Variants in KDM4B observed in about 807,000 individuals in gnomAD.
KDM4B encodes lysine demethylase 4B.
KDM4B carries 32 observed loss-of-function variants against 125.2 expected under a neutral mutation model. The observed-to-expected ratio is 0.26, with a 90% CI of 0.19 to 0.34. The LOEUF is 0.34. Ranked by LOEUF, KDM4B falls within the 10% of genes least tolerant of loss-of-function variation. The pLI is 1.00. For missense variants in KDM4B, 1,190 were observed against 1,577.7 expected (o/e 0.75, Z 4.16); for synonymous variants, 721 against 677.9 (o/e 1.06, Z -0.99).
intron 10 of KDM4B, among the ~76,000 whole-genome samples, chr19:5,117,756 C>T (rs955734690): frequency 5.3e-5 from 8 of 152,180 alleles, no homozygotes; most frequent in African/African-American, 9.7e-5. Flanking sequence ...GCCCCACGCC[C>T]GCCCCTGCCT....
chr19:5,002,491 TC>T (rs953961184), intron 1 of KDM4B, among the ~76,000 whole-genome samples: 27 of 151,890 alleles, frequency 1.8e-4, no homozygotes, highest in Non-Finnish European at 3.1e-4. Flanking sequence ...TTCTTTCCTT[TC>T]TTCTTTCTTT....
At chr19:5,040,373 G>A (rs984942780) in intron 4 of KDM4B, among the ~76,000 whole-genome samples, 1 of 152,148 alleles carries the variant, frequency 6.6e-6, no homozygotes, top group Admixed American at 6.5e-5. Context: ...AGGCACACAG[G>A]AGGGCACAGA....
At chr19:4,975,354 C>CT (rs1215314185) in intron 1 of KDM4B, among the ~76,000 whole-genome samples, 3 of 151,276 alleles carry the variant, frequency 2.0e-5, no homozygotes, top group Non-Finnish European at 2.9e-5. Context: ...TCTTCTTTTG[C>CT]TTTTTTTTTC....
chr19:5,130,162 G>A (rs1166567255), intron 11 of KDM4B, among the ~76,000 whole-genome samples: 1 of 152,100 alleles, frequency 6.6e-6, no homozygotes, highest in East Asian at 1.9e-4. Flanking sequence ...GCCTTGTGAG[G>A]ACATCGGGCC....
chr19:5,057,047 T>G (rs1204758160), intron 6 of KDM4B, among the ~76,000 whole-genome samples: 1 of 140,762 alleles, frequency 7.1e-6, no homozygotes, highest in Non-Finnish European at 1.5e-5. Flanking sequence ...TGTGTGTGTG[T>G]GTGTGTGTGT....
chr19:5,073,374 G>A (rs1275129521), intron 7 of KDM4B, among the ~76,000 whole-genome samples: 2 of 152,270 alleles, frequency 1.3e-5, no homozygotes, highest in African/African-American at 4.8e-5. Context: ...AGAGCCAGCA[G>A]CCCCGGTGGG....
At chr19:5,103,908 GGCCACCTCCTGTAGAACCAGGGCAGGCCA>G (rs1210775627) in intron 9 of KDM4B, among the ~76,000 whole-genome samples, 8 of 152,172 alleles carry the variant, frequency 5.3e-5, no homozygotes, top group African/African-American at 1.9e-4. Context: ...GGGGGTGCAC[GGCCACCTCCTGTAGAACCAGGGCAGGCCA>G]GCCACCTTCT....
chr19:4,991,270 A>G (rs1253678330), intron 1 of KDM4B, among the ~76,000 whole-genome samples: 1 of 112,738 alleles, frequency 8.9e-6, no homozygotes, highest in Admixed American at 8.9e-5. Flanking sequence ...CCCTACCCCC[A>G]TCTGTGGTGA....
chr19:5,140,668 G>A (rs2039725401), intron 18 of KDM4B: 1 of 152,240 alleles, frequency 6.6e-6, no homozygotes, highest in Admixed American at 6.5e-5. Flanking sequence ...CTGGGCGGCG[G>A]AGGTTGCAGT....
chr19:5,098,354 C>G (rs2038867812), intron 9 of KDM4B, among the ~76,000 whole-genome samples: 1 of 152,176 alleles, frequency 6.6e-6, no homozygotes, highest in Non-Finnish European at 1.5e-5. Context: ...ATCGTTATGG[C>G]TCAGAAGGCG....
intron 7 of KDM4B, chr19:5,075,495 G>A (rs2038076710): frequency 1.3e-5 from 2 of 152,228 alleles, no homozygotes; most frequent in Non-Finnish European, 2.9e-5. Context: ...TTTTTGTAGA[G>A]ATGGGGTCTT....
chr19:5,070,953 A>C, intron 6 of KDM4B, 57 bp from the exon 7 acceptor site: 1 of 1,586,090 alleles, frequency 6.3e-7, no homozygotes. Context: ...CACCAGGGAC[A>C]CCCCCTTGCG....
chr19:5,088,472 G>A (rs1014017314), intron 9 of KDM4B, among the ~76,000 whole-genome samples: 46 of 152,276 alleles, frequency 3.0e-4, no homozygotes, highest in African/African-American at 1.1e-3. Flanking sequence ...CGCTGGGTTC[G>A]ACTTCCATCT....
intron 6 of KDM4B, among the ~76,000 whole-genome samples, chr19:5,047,920 A>G (rs1478816813): frequency 6.6e-6 from 1 of 151,986 alleles, no homozygotes; most frequent in Non-Finnish European, 1.5e-5. Context: ...AGTGCCCCCC[A>G]TTGAGCTGTG....
rs376827867 is a variant in KDM4B at position 5,035,863 on chromosome 19, C to CTGTG, written c.141+2847_141+2850dup. 0.013 allele frequency among the ~76,000 whole-genome samples: 1,882 copies of CTGTG among 142,278 alleles called. 52 individuals are homozygous for CTGTG. The highest frequency in any genetic ancestry group is 0.072 in the South Asian group (306 of 4,244). 93.3% of individuals were successfully genotyped at this position (142,278 alleles called of 152,430 possible). A position where few individuals can be genotyped will look rare whatever the true frequency, so the allele number is the denominator to read the frequency against. Reference sequence around the variant, plus strand: ...GGAGGGGCTGTGTGTGCACGTGTCTCTGTGTGTGTGTGTGTGTGCGCGCGC... The same window carrying CTGTG: ...GGAGGGGCTGTGTGTGCACGTGTCTCTGTGTGTGTGTGTGTGTGTGTGCGCGCGC... On this transcript the variant is annotated intron_variant, in intron 3 of 22. Coordinates refer to ENST00000159111, the MANE Select transcript of KDM4B (RefSeq NM_015015.3). This position sits in a 1 kb window ranked among gnomAD's most constrained non-coding sequence, Gnocchi z 5.3.
Position 5,141,067 on chromosome 19 carries a change from C to G in KDM4B, c.2551-2900C>G, listed in dbSNP as rs905539003. On this transcript the variant is annotated intron_variant, in intron 18 of 22. Coordinates refer to ENST00000159111, the MANE Select transcript of KDM4B (RefSeq NM_015015.3). The surrounding 1 kb of genome is among the most constrained non-coding windows in gnomAD (Gnocchi z 6.4). ...GGAGACCACAAGGGTGGGACTGATG[C>G]CGGCCACAAAGCCCGGGCTCCCATG... is the stretch of plus-strand genomic sequence containing the variant. The G allele has an allele frequency of 1.3e-5, 2 of 152,246 alleles. No individual in the cohort carries two copies. Among genetic ancestry groups the G allele is most frequent in the African/African-American group, 4.8e-5 (2 of 41,470 alleles). The allele number at this position is 152,246 out of a possible 1,614,324, so 9.4% of individuals were successfully genotyped here. A position where few individuals can be genotyped will look rare whatever the true frequency, so the allele number is the denominator to read the frequency against.
At position 5,133,968 on chromosome 19, in the gene KDM4B, G is replaced by A. The variant is rs944108745; in HGVS notation, c.1992G>A (p.Ala664=). The A allele has an allele frequency of 1.5e-5, 24 of 1,612,680 alleles. No individual in the cohort carries two copies. The highest frequency in any genetic ancestry group is 5.0e-5 in the Admixed American group (3 of 59,996). ...TGTCTCTGCAGTGGAAGAACAGGGC[G>A]GCCAGCTTCCAGGCCGAGAGGAAGT... ...PLLSLQWKNR[A]ASFQAERKFN... The change falls in exon 14 of 23, where the codon GCG becomes GCA. Residue 664 remains alanine (A), a synonymous_variant. Coordinates refer to ENST00000159111, the MANE Select transcript of KDM4B (RefSeq NM_015015.3).
At chr19:5,043,979 T>G (rs1599488277) in intron 5 of KDM4B, among the ~76,000 whole-genome samples, 5 of 115,574 alleles carry the variant, frequency 4.3e-5, no homozygotes, top group Admixed American at 1.9e-4. Context: ...GGAGTGGGGG[T>G]GTCCACCTTA....
chr19:5,015,282 C>T (rs953113324), intron 1 of KDM4B, among the ~76,000 whole-genome samples: 2 of 152,020 alleles, frequency 1.3e-5, no homozygotes, highest in African/African-American at 4.8e-5. Context: ...TAGTCTTGCT[C>T]TGTCACCCAG....
Sources: allele counts gnomAD v4.1 joint callset (sites outside exome capture counted in the v4.1 genomes callset), GRCh38; gene constraint gnomAD v4.1.1; non-coding constraint Gnocchi (gnomAD v3.1); transcripts MANE v1.5; gene names NCBI Gene and HGNC (gene_info 2026-07-23, HGNC 2026-07-21).